Variants in RETSAT observed in about 807,000 individuals in gnomAD.
RETSAT encodes the protein all-trans-retinol 13,14-reductase.
RETSAT carries 35 observed loss-of-function variants against 61.6 expected under a neutral mutation model. That is an observed-to-expected ratio of 0.57 (90% CI 0.43 to 0.75). The LOEUF is 0.75. RETSAT is among the 30% of genes least tolerant of loss of function. The pLI is 0.00. For missense variants in RETSAT, 670 were observed against 759.5 expected (o/e 0.88, Z 1.38); for synonymous variants, 277 against 310.4 (o/e 0.89, Z 1.13).
chr2:85,345,648 T>A, intron 6 of RETSAT: 1 of 411,580 alleles, frequency 2.4e-6, no homozygotes, highest in East Asian at 5.8e-5. Flanking sequence ...CCTGCTTCTC[T>A]TCCTGAGGCC....
At position 85,347,999 on chromosome 2, in the gene RETSAT, C is replaced by T. The variant is rs151288908; in HGVS notation, c.997+1385G>A. Among the ~76,000 whole-genome samples the T allele has an allele frequency of 7.2e-4, 110 of 152,322 alleles. 2 individuals carry two copies. The Middle Eastern group carries it at 0.02, about 28-fold the overall frequency. ...TACATTAGCCCAGTTTTTCCCAGGC[C>T]TCTTTTTGTCTGCTTCCCTGGCTTC... On this transcript the variant is annotated intron_variant, in intron 5 of 10. Transcript: ENST00000295802.
Position 85,349,425 on chromosome 2 carries a change from G to A in RETSAT, c.956C>T (p.Thr319Ile). 6.2e-7 allele frequency: 1 copy of A among 1,614,210 alleles called. No individual in the cohort carries two copies. The highest frequency in any genetic ancestry group is 8.5e-7 in the Non-Finnish European group (1 of 1,180,042). Reference sequence around the variant, plus strand: ...TGAGTCCAGCAACACACTCTGCACAGTGGCCTTTGTGAGGACAGCGCCCCC... The same window carrying A: ...TGAGTCCAGCAACACACTCTGCACAATGGCCTTTGTGAGGACAGCGCCCCC... The part of the protein sequence containing the change: ...RAGGAVLTKA[T>I]VQSVLLDSAG... Residue 319 changes from threonine to isoleucine, a missense_variant, in exon 5 of 11, where the codon ACT (threonine) becomes ATT (isoleucine). Thr to Ile is a moderately conservative substitution (Grantham distance 89, BLOSUM62 -1). Transcript: ENST00000295802.
rs1683142443 is a variant in RETSAT at position 85,344,144 on chromosome 2, AGCAT to A, written c.1384_1387del (p.Met462SerfsTer16). On this transcript the variant is annotated frameshift_variant, in exon 9 of 11. Coordinates refer to ENST00000295802, the MANE Select transcript of RETSAT (RefSeq NM_017750.4). LOFTEE classifies it high-confidence loss of function. The stretch of plus-strand genomic sequence containing the variant: ...AAACCACTCGTAGGCAGTGGGTATG[AGCAT>A]GATCATGGTGGACCGGCCTGGGGAT... The A allele has an allele frequency of 1.9e-6, 3 of 1,613,940 alleles. No individual in the cohort carries two copies. The African/African-American group carries it at 4.0e-5, about 22-fold the overall frequency.
chr2:85,349,056 T>TGG lies in RETSAT; in HGVS notation c.997+327_997+328insCC, dbSNP rs201109775. Reference sequence around the variant, plus strand: ...GAGCCACCATGCCCGGCCATATTTTTGTTTTTTTTTTTTTAAAGAGACAGG... The same window carrying TGG: ...GAGCCACCATGCCCGGCCATATTTTTGGGTTTTTTTTTTTTTAAAGAGACAGG... On this transcript the variant is annotated intron_variant, in intron 5 of 10. Transcript: ENST00000295802. Among the ~76,000 whole-genome samples the TGG allele has an allele frequency of 4.5e-3, 651 of 144,536 alleles. 14 individuals are homozygous for TGG. In the East Asian group the frequency reaches 0.062, roughly 14 times the overall value. The allele number at this position is 144,536 out of a possible 152,430, so 94.8% of individuals were successfully genotyped here.
In RETSAT at chr2:85,344,239, C is replaced by T. The variant is rs773596771; in HGVS notation, c.1366G>A (p.Gly456Ser). ...KDPTWEDRFP[G>S]RSTMIMLIPT... ...CCTCACCCGGGACGTGCAGCCCCAC[C>T]TGGGAATCGGTCCTCCCAGGTCGGA... Residue 456 changes from glycine to serine, a missense_variant and splice_region_variant, in exon 8 of 11, where the codon GGC (glycine) becomes AGC (serine). Physicochemically the swap from Gly to Ser is moderately conservative, Grantham distance 56 (BLOSUM62 0). Coordinates refer to ENST00000295802, the MANE Select transcript of RETSAT (RefSeq NM_017750.4). The T allele has an allele frequency of 1.2e-6, 2 of 1,614,070 alleles. No homozygotes were observed. The highest frequency in any genetic ancestry group is 1.7e-6 in the Non-Finnish European group (2 of 1,179,992).
chr2:85,343,806 CAGAAAGGGTGGGGCAGGCATGTG>C lies in RETSAT; in HGVS notation c.1534-31_1534-9del, dbSNP rs764522994. Reference sequence around the variant, plus strand: ...TGCAGTCACACTCTCCACCTGAGGGCAGAAAGGGTGGGGCAGGCATGTGAGATCCTGGCTCCCCTCCCTCTTCC... The same window carrying C: ...TGCAGTCACACTCTCCACCTGAGGGCAGATCCTGGCTCCCCTCCCTCTTCC... On this transcript the variant is annotated splice_polypyrimidine_tract_variant and intron_variant, in intron 9 of 10. Coordinates refer to ENST00000295802, the MANE Select transcript of RETSAT (RefSeq NM_017750.4). 5.6e-6 allele frequency: 9 copies of C among 1,613,344 alleles called. No homozygotes were observed. In the African/African-American group the frequency reaches 1.2e-4, roughly 22 times the overall value.
intron 9 of RETSAT, 35 bp downstream of exon 9, chr2:85,343,964 A>G (rs769421693): frequency 6.2e-7 from 1 of 1,610,440 alleles, no homozygotes; most frequent in African/African-American, 1.3e-5. Context: ...CAGCACCGTG[A>G]GGTTCGTCAC....
chr2:85,354,323 T>A lies in RETSAT; in HGVS notation c.172+13A>T. ...TCGAGTGCAGCCCCGGACCCCAGGG[T>A]CCCTCCTGCTACCTTGTTTGAGAAC... On this transcript the variant is annotated intron_variant, in intron 1 of 10. Transcript: ENST00000295802. 6.2e-7 allele frequency: 1 copy of A among 1,613,898 alleles called. No homozygotes were observed. Among genetic ancestry groups the A allele is most frequent in the Non-Finnish European group, 8.5e-7 (1 of 1,179,964 alleles).
intron 5 of RETSAT, among the ~76,000 whole-genome samples, chr2:85,346,815 C>T (rs1039875841): frequency 1.3e-5 from 2 of 152,180 alleles, no homozygotes; most frequent in Admixed American, 1.3e-4. Context: ...AATGATGCCT[C>T]ATCCTGGATA....
intron 5 of RETSAT, among the ~76,000 whole-genome samples, chr2:85,348,630 C>CA (rs11400450): frequency 0.12 from 5,083 of 43,492 alleles, 357 homozygotes; most frequent in South Asian, 0.23. Flanking sequence ...GACTCCAACT[C>CA]AAAAAAAAAA....
chr2:85,344,832 G>A, intron 6 of RETSAT, 100 bp from the exon 7 acceptor site: 2 of 1,380,512 alleles, frequency 1.4e-6, no homozygotes, highest in South Asian at 1.4e-5. Flanking sequence ...GCACCTGCCT[G>A]AGGCATGCCG....
At position 85,350,059 on chromosome 2, in the gene RETSAT, G is replaced by A. The variant is rs141214963; in HGVS notation, c.780C>T (p.Ser260=). Residue 260 remains serine, a synonymous_variant, in exon 4 of 11, where the codon AGC becomes AGT. Transcript: ENST00000295802. ...ACCCACCGTAAGTGGGGAAGATGTAGCTGAGTACTGCCTGGAGCTCAGAGG... is the reference window on the plus strand; with the variant it reads ...ACCCACCGTAAGTGGGGAAGATGTAACTGAGTACTGCCTGGAGCTCAGAGG... ...GASSELQAVL[S]YIFPTYGVTP... is the part of the protein sequence containing the mutation. The A allele has an allele frequency of 8.6e-4, 1,392 of 1,613,812 alleles. 21 individuals carry two copies. In the East Asian group the frequency reaches 0.023, roughly 27 times the overall value.
chr2:85,345,757 G>A, intron 6 of RETSAT: 1 of 686,228 alleles, frequency 1.5e-6, no homozygotes, highest in South Asian at 1.5e-5. Context: ...CAGCTGAGTG[G>A]CCTCAGGACT....
In RETSAT at chr2:85,342,668, G is replaced by A. The variant is rs918649355; in HGVS notation, c.*574C>T. 6.5e-6 allele frequency: 1 copy of A among 152,792 alleles called. No homozygotes were observed. The highest frequency in any genetic ancestry group is 2.4e-5 in the African/African-American group (1 of 41,386). The allele number at this position is 152,792 out of a possible 1,614,324, so 9.5% of individuals were successfully genotyped here. Reference sequence around the variant, plus strand: ...CCAGAACCACACTGGCCAGACACAGGCATTTCCTGTCCCCTGAAGAGCCAC... The same window carrying A: ...CCAGAACCACACTGGCCAGACACAGACATTTCCTGTCCCCTGAAGAGCCAC... On this transcript the variant is annotated 3_prime_UTR_variant, in exon 11 of 11. Coordinates refer to ENST00000295802, the MANE Select transcript of RETSAT (RefSeq NM_017750.4).
chr2:85,350,068 T>A lies in RETSAT; in HGVS notation c.771A>T (p.Ala257=). 3 of 1,613,850 alleles carry A rather than the reference T, an allele frequency of 1.9e-6. No homozygotes were observed. The highest frequency in any genetic ancestry group is 2.5e-6 in the Non-Finnish European group (3 of 1,180,022). Residue 257 remains alanine (A), a synonymous_variant, in exon 4 of 11, where the codon GCA becomes GCT. Coordinates refer to ENST00000295802, the MANE Select transcript of RETSAT (RefSeq NM_017750.4). ...QQLGASSELQ[A]VLSYIFPTYG... is the part of the protein sequence containing the mutation. The stretch of plus-strand genomic sequence containing the variant: ...AAGTGGGGAAGATGTAGCTGAGTAC[T>A]GCCTGGAGCTCAGAGGAGGCCCCCA...
chr2:85,346,193 A>C, intron 5 of RETSAT, 99 bp from the exon 6 acceptor site: 1 of 1,485,132 alleles, frequency 6.7e-7, no homozygotes, highest in Non-Finnish European at 9.1e-7. Context: ...CCCATTTCTC[A>C]GACCTTGGAG....
rs373310928 is a variant in RETSAT, at chr2:85,344,215, C to A, written c.1366+24G>T. 3 of 1,614,046 alleles carry A rather than the reference C, an allele frequency of 1.9e-6. No homozygotes were observed. In the African/African-American group the frequency reaches 4.0e-5, roughly 22 times the overall value. ...ACTGCCCGGCCTCTCCCTCCACCCC[C>A]TCACCCGGGACGTGCAGCCCCACCT... is the stretch of plus-strand genomic sequence containing the variant. On this transcript the variant is annotated intron_variant, in intron 8 of 10. Transcript: ENST00000295802.
Position 85,349,466 on chromosome 2 carries a change from A to T in RETSAT, c.915T>A (p.Pro305=), listed in dbSNP as rs1407119723. Residue 305 remains proline, a synonymous_variant, in exon 5 of 11, where the codon CCT becomes CCA. Transcript: ENST00000295802. The part of the protein sequence containing the change: ...GSSEIAFHTI[P]VIQRAGGAVL... ...CAGCGCCCCCAGCCCGCTGAATCACAGGGATGGTGTGGAAGGCAATTTCAC... is the reference window on the plus strand; with the variant it reads ...CAGCGCCCCCAGCCCGCTGAATCACTGGGATGGTGTGGAAGGCAATTTCAC... The T allele has an allele frequency of 6.2e-7, 1 of 1,614,032 alleles. No individual in the cohort carries two copies. The highest frequency in any genetic ancestry group is 1.3e-5 in the African/African-American group (1 of 74,912).
In RETSAT at chr2:85,354,342, T is replaced by G. The variant is rs200788156; in HGVS notation, c.166A>C (p.Lys56Gln). 9.3e-6 allele frequency: 15 copies of G among 1,614,218 alleles called. No individual in the cohort carries two copies. In the East Asian group the frequency reaches 3.3e-4, roughly 36 times the overall value. Residue 56 changes from lysine (K) to glutamine (Q), a missense_variant, in exon 1 of 11, where the codon AAA (lysine) becomes CAA (glutamine). Physicochemically the swap from Lys to Gln is moderately conservative, Grantham distance 53. Transcript: ENST00000295802. ...CCAGGGTCCCTCCTGCTACCTTGTT[T>G]GAGAACCTTCTTCCTGGCCTCCTTG... ...TDKEARKKVL[K>Q]QAFSANQVPE...
Sources: allele counts gnomAD v4.1 joint callset (sites outside exome capture counted in the v4.1 genomes callset), GRCh38; gene constraint gnomAD v4.1.1; transcripts MANE v1.5; gene names NCBI Gene and HGNC (gene_info 2026-07-23, HGNC 2026-07-21).